Variants in TSPAN18 observed in about 807,000 individuals in gnomAD.
TSPAN18 encodes tetraspanin-18.
Under a neutral mutation model 27.3 loss-of-function variants are expected in TSPAN18, and 14 were observed. The observed-to-expected ratio is 0.51, with a 90% confidence interval of 0.34 to 0.80. TSPAN18 has a LOEUF of 0.80. Among genes scored for constraint, TSPAN18 ranks in the 30% least tolerant of loss-of-function variants. TSPAN18 has a pLI of 0.01. For missense variants in TSPAN18, 268 were observed against 323.9 expected, an observed-to-expected ratio of 0.83 and a Z score of 1.32; for synonymous variants, 143 against 136.5, an observed-to-expected ratio of 1.05 and a Z score of -0.33.
At chr11:44,751,508 G>A (rs72895422) in intron 1 of TSPAN18, among the ~76,000 whole-genome samples, 19,467 of 152,206 alleles carry the variant, frequency 0.13, 1,691 homozygotes, top group Middle Eastern at 0.2. Flanking sequence ...TGCTTAGGAA[G>A]TGCCTGATGG....
chr11:44,876,200 C>G (rs902603462), intron 3 of TSPAN18, among the ~76,000 whole-genome samples: 1 of 152,200 alleles, frequency 6.6e-6, no homozygotes, highest in African/African-American at 2.4e-5. Context: ...GCCCCGGGGA[C>G]TGGGAGAAGA....
intron 2 of TSPAN18, among the ~76,000 whole-genome samples, chr11:44,797,126 G>A (rs2135057988): frequency 6.6e-6 from 1 of 152,252 alleles, no homozygotes; most frequent in Non-Finnish European, 1.5e-5. Context: ...CAAGAAATCC[G>A]TAGTAACAAC....
At position 44,860,475 on chromosome 11, in the gene TSPAN18, AGAG is replaced by A. The variant is rs79319740; in HGVS notation, c.-11+8_-11+10del. 0.22 allele frequency: 33,639 copies of A among 151,824 alleles called. 3,987 individuals are homozygous for A. Among genetic ancestry groups the A allele is most frequent in the Middle Eastern group, 0.24 (72 of 294 alleles). 9.4% of individuals were successfully genotyped at this position (151,824 alleles called of 1,614,324 possible). On this transcript the variant is annotated splice_region_variant and intron_variant, in intron 3 of 9. Transcript: ENST00000520358. ...TCTCAACGCTGGCTCTCCAGGTAAC[AGAG>A]GTTAGGCTCATTCAGCAAGGGGATT...
At chr11:44,854,347 C>A (rs1857682155) in intron 2 of TSPAN18, among the ~76,000 whole-genome samples, 1 of 152,156 alleles carries the variant, frequency 6.6e-6, no homozygotes, top group African/African-American at 2.4e-5. Context: ...AGGACTGGGG[C>A]TGTGCCACCC....
Position 44,811,758 on chromosome 11 carries a change from G to A in TSPAN18, c.-153+47246G>A, listed in dbSNP as rs149763409. Among the ~76,000 whole-genome samples the A allele has an allele frequency of 4.2e-3, 635 of 152,274 alleles. 4 individuals are homozygous for A. Among genetic ancestry groups the A allele is most frequent in the African/African-American group, 0.014 (589 of 41,556 alleles). ...ATTACAGGCATGAGCCACTGCACCC[G>A]GCCTATGTTTTATGCTTTTTAAAGA... On this transcript the variant is annotated intron_variant, in intron 2 of 9. Transcript: ENST00000520358.
At chr11:44,768,489 A>AT (rs886405705) in intron 2 of TSPAN18, among the ~76,000 whole-genome samples, 98 of 150,322 alleles carry the variant, frequency 6.5e-4, no homozygotes, top group South Asian at 8.4e-4. Context: ...TTGTTCCAGG[A>AT]TTTTTTTTTT....
chr11:44,752,435 G>T (rs1855233851), intron 1 of TSPAN18, among the ~76,000 whole-genome samples: 1 of 151,918 alleles, frequency 6.6e-6, no homozygotes, highest in Non-Finnish European at 1.5e-5. Context: ...AGGCTGAAGC[G>T]CAGTGACTCT....
chr11:44,819,969 G>T (rs1210667211), intron 2 of TSPAN18, among the ~76,000 whole-genome samples: 3 of 152,108 alleles, frequency 2.0e-5, no homozygotes, highest in Admixed American at 1.3e-4. Context: ...AAAGCTCCCT[G>T]GGACTAAGGA....
chr11:44,783,684 A>ACC (rs1381944238), intron 2 of TSPAN18, among the ~76,000 whole-genome samples: 6 of 152,152 alleles, frequency 3.9e-5, no homozygotes, highest in African/African-American at 1.4e-4. Flanking sequence ...GGCGTGAGCC[A>ACC]CCGCGCCCGG....
chr11:44,858,741 G>A (rs1319941478), intron 2 of TSPAN18, among the ~76,000 whole-genome samples: 1 of 152,206 alleles, frequency 6.6e-6, no homozygotes, highest in African/African-American at 2.4e-5. Context: ...GGTACAGAGA[G>A]GAGTGGGAGA....
chr11:44,921,194 G>C lies in TSPAN18; in HGVS notation c.615+1195G>C, dbSNP rs1590696400. On this transcript the variant is annotated intron_variant, in intron 8 of 9. Transcript: ENST00000520358. Reference sequence around the variant, plus strand: ...GGCTCAATAGAGAAATGAGGGCCCTGAGTTGAGGCCACTGTGGACGTGGGG... The same window carrying C: ...GGCTCAATAGAGAAATGAGGGCCCTCAGTTGAGGCCACTGTGGACGTGGGG... 2.6e-5 allele frequency among the ~76,000 whole-genome samples: 4 copies of C among 152,312 alleles called. 1 individual carries two copies. The East Asian group carries it at 7.8e-4, about 30-fold the overall frequency.
At chr11:44,826,250 CCGTCTCTA>C (rs1229102818) in intron 2 of TSPAN18, among the ~76,000 whole-genome samples, 2 of 152,126 alleles carry the variant, frequency 1.3e-5, no homozygotes, top group Non-Finnish European at 2.9e-5. Context: ...TGGAGAAACC[CCGTCTCTA>C]CTAAAAATAC....
chr11:44,738,626 A>C lies in TSPAN18; in HGVS notation c.-240+11339A>C, dbSNP rs183426941. Among the ~76,000 whole-genome samples the C allele has an allele frequency of 1.5e-3, 222 of 152,198 alleles. 2 individuals are homozygous for C. The highest frequency in any genetic ancestry group is 4.2e-3 in the African/African-American group (175 of 41,540). Reference sequence around the variant, plus strand: ...TTGGCTTGCGGATGGCCACTTTCTCACCGTGTCCTCGCACAGCCTTTCCCT... The same window carrying C: ...TTGGCTTGCGGATGGCCACTTTCTCCCCGTGTCCTCGCACAGCCTTTCCCT... On this transcript the variant is annotated intron_variant, in intron 1 of 9. Coordinates refer to ENST00000520358, the MANE Select transcript of TSPAN18 (RefSeq NM_130783.5).
At chr11:44,924,727 C>G (rs1390921181) in intron 8 of TSPAN18, among the ~76,000 whole-genome samples, 1 of 143,384 alleles carries the variant, frequency 7.0e-6, no homozygotes, top group East Asian at 2.0e-4. Context: ...TTTTAGGGTT[C>G]TAATGCTTCA....
intron 2 of TSPAN18, among the ~76,000 whole-genome samples, chr11:44,803,009 C>T (rs146863977): frequency 5.3e-5 from 8 of 152,130 alleles, no homozygotes; most frequent in African/African-American, 1.9e-4. Flanking sequence ...CTTTCACTCA[C>T]TACCCATTGA....
chr11:44,780,034 T>C (rs1481793560), intron 2 of TSPAN18, among the ~76,000 whole-genome samples: 1 of 152,242 alleles, frequency 6.6e-6, no homozygotes, highest in East Asian at 1.9e-4. Context: ...TGCATACACC[T>C]GTACACATTT....
intron 1 of TSPAN18, among the ~76,000 whole-genome samples, chr11:44,760,310 C>T (rs145619148): frequency 2.6e-3 from 393 of 152,248 alleles, no homozygotes; most frequent in Admixed American, 3.6e-3. Context: ...GAGCCGTGTG[C>T]AGCAAGCAGA....
chr11:44,902,102 G>T (rs1482384283), intron 3 of TSPAN18, among the ~76,000 whole-genome samples: 1 of 152,206 alleles, frequency 6.6e-6, no homozygotes. Flanking sequence ...GCAAGGCATT[G>T]TCCTGGGTTT....
Position 44,926,743 on chromosome 11 carries a change from G to T in TSPAN18, c.685G>T (p.Val229Leu), listed in dbSNP as rs1860372621. ...VYLAGALAIG[V>L]LAIELFAMIF... Reference sequence around the variant, plus strand: ...CTTGGCCGGAGCCCTTGCCATCGGGGTACTGGCCATCGAGGTAAGTAAAGG... The same window carrying T: ...CTTGGCCGGAGCCCTTGCCATCGGGTTACTGGCCATCGAGGTAAGTAAAGG... Residue 229 changes from valine to leucine, a missense_variant, in exon 9 of 10, where the codon GTA (valine) becomes TTA (leucine). By Grantham distance (32) the Val-to-Leu change is conservative. Coordinates refer to ENST00000520358, the MANE Select transcript of TSPAN18 (RefSeq NM_130783.5). 3 of 1,614,138 alleles carry T rather than the reference G, an allele frequency of 1.9e-6. No individual in the cohort carries two copies. Among genetic ancestry groups the T allele is most frequent in the African/African-American group, 2.7e-5 (2 of 75,042 alleles).
Sources: allele counts gnomAD v4.1 joint callset (sites outside exome capture counted in the v4.1 genomes callset), GRCh38; gene constraint gnomAD v4.1.1; transcripts MANE v1.5; gene names NCBI Gene and HGNC (gene_info 2026-07-23, HGNC 2026-07-21).